DNM2: variants seen among roughly 807,000 people sequenced by gnomAD.
DNM2 encodes the protein dynamin-2.
DNM2 carries 15 observed loss-of-function variants against 99.0 expected under a neutral mutation model. That is an observed-to-expected ratio of 0.15 (90% CI 0.10 to 0.23). DNM2 has a LOEUF of 0.23. Ranked by LOEUF, DNM2 falls within the 10% of genes least tolerant of loss-of-function variation. The pLI is 1.00. For missense variants in DNM2, 742 were observed against 1,189.4 expected (o/e 0.62, Z 5.53); for synonymous variants, 525 against 481.2 (o/e 1.09, Z -1.19).
At chr19:10,778,043 AT>A in intron 5 of DNM2, among the ~76,000 whole-genome samples, 1 of 147,670 alleles carries the variant, frequency 6.8e-6, no homozygotes, top group South Asian at 2.1e-4. Flanking sequence ...TTATTTATTT[AT>A]TTATTTATTT....
intron 15 of DNM2, among the ~76,000 whole-genome samples, chr19:10,815,917 A>G (rs1462106333): frequency 1.3e-5 from 2 of 152,106 alleles, no homozygotes; most frequent in Non-Finnish European, 2.9e-5. Context: ...GGCCCCAGGG[A>G]GAAGCAAAGA....
At chr19:10,780,093 G>T (rs527995066) in intron 5 of DNM2, among the ~76,000 whole-genome samples, 7 of 152,278 alleles carry the variant, frequency 4.6e-5, no homozygotes, top group African/African-American at 1.7e-4. Context: ...CTCGATGTCT[G>T]AGATAGATGT....
chr19:10,731,354 C>CTTTT (rs369402403), intron 1 of DNM2, among the ~76,000 whole-genome samples: 8 of 139,608 alleles, frequency 5.7e-5, no homozygotes, highest in African/African-American at 2.1e-4. Flanking sequence ...TCTTTTCCTT[C>CTTTT]TTTTTTTTTT....
At chr19:10,770,131 T>C (rs2070926963) in intron 2 of DNM2, among the ~76,000 whole-genome samples, 1 of 152,198 alleles carries the variant, frequency 6.6e-6, no homozygotes, top group Non-Finnish European at 1.5e-5. Context: ...TGCCGTAGTT[T>C]CTTCGGTTGC....
intron 16 of DNM2, among the ~76,000 whole-genome samples, chr19:10,822,380 G>A (rs2073003602): frequency 6.6e-6 from 1 of 151,420 alleles, no homozygotes; most frequent in Non-Finnish European, 1.5e-5. Flanking sequence ...TGTAGAGATG[G>A]GGGTGTTGCT....
intron 13 of DNM2, 85 bp downstream of exon 13, chr19:10,806,052 G>A (rs2072326481): frequency 4.5e-6 from 7 of 1,572,388 alleles, no homozygotes; most frequent in Non-Finnish European, 6.1e-6. Context: ...ATGGAGCTCG[G>A]CCTGTGTAAA....
Position 10,830,838 on chromosome 19 carries a change from C to T in DNM2, c.2544-140C>T, listed in dbSNP as rs2073322292. The stretch of plus-strand genomic sequence containing the variant: ...TAGGTTTGGCACTCCTGCCCGACAC[C>T]CTGGTGGCTTGCGGAGGTCAGCCTG... On this transcript the variant is annotated intron_variant, in intron 20 of 20. Coordinates refer to ENST00000389253, the MANE Select transcript of DNM2 (RefSeq NM_001005361.3). This position sits in a 1 kb window ranked among gnomAD's most constrained non-coding sequence, Gnocchi z 4.8. The T allele has an allele frequency of 1.9e-6, 2 of 1,067,014 alleles. No homozygotes were observed. The highest frequency in any genetic ancestry group is 3.0e-5 in the Admixed American group (1 of 33,588). The allele number at this position is 1,067,014 out of a possible 1,614,324, so 66.1% of individuals were successfully genotyped here.
intron 2 of DNM2, among the ~76,000 whole-genome samples, chr19:10,767,929 T>C (rs1374583295): frequency 6.6e-6 from 1 of 151,686 alleles, no homozygotes; most frequent in Admixed American, 6.6e-5. Context: ...AAAAAACCTC[T>C]GTTGACCTGG....
At chr19:10,757,242 C>T (rs536956033) in intron 1 of DNM2, among the ~76,000 whole-genome samples, 3 of 151,728 alleles carry the variant, frequency 2.0e-5, no homozygotes, top group South Asian at 2.1e-4. Context: ...AAGCCCCCGC[C>T]GAGGGCTTGG....
At chr19:10,803,064 C>T (rs955386735) in intron 12 of DNM2, among the ~76,000 whole-genome samples, 5 of 152,170 alleles carry the variant, frequency 3.3e-5, no homozygotes, top group Non-Finnish European at 7.3e-5. Flanking sequence ...AAACCCACAC[C>T]CAGCTCCCCA....
At position 10,772,541 on chromosome 19, in the gene DNM2, G is replaced by C; in HGVS notation, c.298G>C (p.Glu100Gln). 6.2e-7 allele frequency: 1 copy of C among 1,614,174 alleles called. No individual in the cohort carries two copies. Among genetic ancestry groups the C allele is most frequent in the Non-Finnish European group, 8.5e-7 (1 of 1,180,050 alleles). ...KFTDFDEVRQ[E>Q]IEAETDRVTG... is the part of the protein sequence containing the mutation. ...TACAGACTTTGATGAAGTCCGGCAGGAGATTGAAGCAGAGACCGACAGGGT... is the reference window on the plus strand; with the variant it reads ...TACAGACTTTGATGAAGTCCGGCAGCAGATTGAAGCAGAGACCGACAGGGT... The change falls in exon 3 of 21, where the codon GAG becomes CAG. Residue 100 changes from glutamate to glutamine, a missense_variant. By Grantham distance (29) the Glu-to-Gln change is conservative. This residue lies in a region of DNM2 where 192 missense variants were observed against 358.9 expected (regional missense o/e 0.54). Coordinates refer to ENST00000389253, the MANE Select transcript of DNM2 (RefSeq NM_001005361.3). This position sits in a 1 kb window ranked among gnomAD's most constrained non-coding sequence, Gnocchi z 4.9.
At chr19:10,825,723 C>A (rs528719950) in intron 18 of DNM2, among the ~76,000 whole-genome samples, 3 of 150,364 alleles carry the variant, frequency 2.0e-5, no homozygotes, top group African/African-American at 7.4e-5. Flanking sequence ...GGCATGGTGG[C>A]GGGTGCCTGT....
At chr19:10,801,273 G>A (rs12462678) in intron 11 of DNM2, among the ~76,000 whole-genome samples, 8,570 of 151,582 alleles carry the variant, frequency 0.057, 567 homozygotes, top group East Asian at 0.36. Context: ...GCCATTGCAC[G>A]CCAGCCTGGG....
rs897308834 is a variant in DNM2, at chr19:10,831,359, G to A, written c.*312G>A. 1.7e-6 allele frequency: 2 copies of A among 1,145,960 alleles called. No homozygotes were observed. Among genetic ancestry groups the A allele is most frequent in the Non-Finnish European group, 2.1e-6 (2 of 931,764 alleles). The allele number at this position is 1,145,960 out of a possible 1,614,324, so 71.0% of individuals were successfully genotyped here. A position where few individuals can be genotyped will look rare whatever the true frequency, so the allele number is the denominator to read the frequency against. ...TGAATGAGGGGTCCAGCCTGGGGGG[G>A]ACTCTACCAAGGTCTTCTTGGGCTG... On this transcript the variant is annotated 3_prime_UTR_variant, in exon 21 of 21. Transcript: ENST00000389253. The surrounding 1 kb of genome is among the most constrained non-coding windows in gnomAD (Gnocchi z 4.3).
At position 10,795,916 on chromosome 19, in the gene DNM2, C is replaced by A; in HGVS notation, c.1196+477C>A. On this transcript the variant is annotated intron_variant, in intron 9 of 20. Transcript: ENST00000389253. This position sits in a 1 kb window ranked among gnomAD's most constrained non-coding sequence, Gnocchi z 4.2. Reference sequence around the variant, plus strand: ...GTCCTCGGGTCACCCTGAGGGTTTCCGGGCAGTGGACTCAGGCATCCGACC... The same window carrying A: ...GTCCTCGGGTCACCCTGAGGGTTTCAGGGCAGTGGACTCAGGCATCCGACC... 1.4e-6 allele frequency: 2 copies of A among 1,381,732 alleles called. No homozygotes were observed. Among genetic ancestry groups the A allele is most frequent in the Non-Finnish European group, 2.0e-6 (2 of 984,616 alleles). 85.6% of individuals were successfully genotyped at this position (1,381,732 alleles called of 1,614,324 possible).
rs894530827 is a variant in DNM2 at position 10,795,883 on chromosome 19, G to A, written c.1196+444G>A. On this transcript the variant is annotated intron_variant, in intron 9 of 20. Transcript: ENST00000389253. The surrounding 1 kb of genome is among the most constrained non-coding windows in gnomAD (Gnocchi z 4.2). The stretch of plus-strand genomic sequence containing the variant: ...TGCTCCAGGTGTCTGCCCTTCCATC[G>A]CCGTGGGGTCCTCGGGTCACCCTGA... 2.6e-5 allele frequency: 25 copies of A among 967,298 alleles called. No homozygotes were observed. Among genetic ancestry groups the A allele is most frequent in the Middle Eastern group, 3.2e-4 (1 of 3,104 alleles). The allele number at this position is 967,298 out of a possible 1,614,324, so 59.9% of individuals were successfully genotyped here.
rs144790170 is a variant in DNM2, at chr19:10,786,596, G to A, written c.882G>A (p.Pro294=). 3.3e-4 allele frequency: 537 copies of A among 1,614,048 alleles called. No homozygotes were observed. The highest frequency in any genetic ancestry group is 4.3e-4 in the Non-Finnish European group (502 of 1,180,012). ...CCAACCACATCCGGGAGTCGCTGCC[G>A]GCCCTACGTAGCAAACTACAGAGCC... ...QLTNHIRESL[P]ALRSKLQSQL... Residue 294 remains proline, a synonymous_variant, in exon 7 of 21, where the codon CCG becomes CCA. Transcript: ENST00000389253.
rs576807843 is a variant in DNM2 at position 10,737,921 on chromosome 19, T to A, written c.161+19518T>A. On this transcript the variant is annotated intron_variant, in intron 1 of 20. Transcript: ENST00000389253. ...GGTAATCGGGGCACCCATCTCCCTC[T>A]CGGGATGCACTCATTGATGTACTTG... Among the ~76,000 whole-genome samples, 6 of 152,306 alleles carry A rather than the reference T, an allele frequency of 3.9e-5. No homozygotes were observed. In the South Asian group the frequency reaches 8.3e-4, roughly 21 times the overall value.
chr19:10,824,794 G>C (rs770659426), intron 17 of DNM2: 2 of 510,664 alleles, frequency 3.9e-6, no homozygotes, highest in Non-Finnish European at 7.1e-6. Context: ...GGGTGACATA[G>C]CAAGACTGTG....
Sources: gnomAD v4.1 joint callset for allele counts (sites outside exome capture counted in the v4.1 genomes callset) on GRCh38, gnomAD v4.1.1 for gene constraint, gnomAD v4.1.1 regional missense constraint, Gnocchi (gnomAD v3.1) non-coding constraint, MANE v1.5 for transcripts, NCBI Gene and HGNC (gene_info 2026-07-23, HGNC 2026-07-21) for gene names.